The following CD1B variants were observed in gnomAD, a reference collection of about 807,000 sequenced individuals.
CD1B encodes T-cell surface glycoprotein CD1b.
Under a neutral mutation model 39.8 loss-of-function variants are expected in CD1B, and 43 were observed. The observed-to-expected ratio is 1.08, with a 90% CI of 0.85 to 1.39. CD1B has a LOEUF of 1.39. Ranked by LOEUF, CD1B falls within the 40% of genes most tolerant of loss-of-function variation. The pLI is 0.00. For missense variants in CD1B, 495 were observed against 403.8 expected, an observed-to-expected ratio of 1.23 and a Z score of -1.94; for synonymous variants, 192 against 152.5, an observed-to-expected ratio of 1.26 and a Z score of -1.91.
chr1:158,296,870 T>C, the CD1B span, among the ~76,000 whole-genome samples: 4 of 152,164 alleles, frequency 2.6e-5, no homozygotes, highest in Non-Finnish European at 5.9e-5. Flanking sequence ...AGACCAGTTC[T>C]TCTAATTAAC....
chr1:158,305,841 A>C, the CD1B span, among the ~76,000 whole-genome samples: 3 of 152,226 alleles, frequency 2.0e-5, no homozygotes, highest in African/African-American at 7.2e-5. Flanking sequence ...AAGCTTCATA[A>C]GTGAAGGAGA....
chr1:158,291,099 T>G, the CD1B span: 1 of 1,570,706 alleles, frequency 6.4e-7, no homozygotes. Flanking sequence ...TTTTTTTTTT[T>G]TTCCTTACAC....
chr1:158,285,627 C>G, the CD1B span, among the ~76,000 whole-genome samples: 1 of 152,140 alleles, frequency 6.6e-6, no homozygotes, highest in Middle Eastern at 3.2e-3. Context: ...AAGCACAGGA[C>G]AAGTCAAATA....
Position 158,331,058 on chromosome 1 carries a change from G to T in CD1B, c.66C>A (p.Phe22Leu). ...LFPGGNSEHA[F>L]QGPTSFHVIQ... ...TAACATGAAAGGAGGTCGGCCCCTGGAAGGCTGTGAAGAGTGGAAAAGCAA... is the reference window on the plus strand; with the variant it reads ...TAACATGAAAGGAGGTCGGCCCCTGTAAGGCTGTGAAGAGTGGAAAAGCAA... Residue 22 changes from phenylalanine to leucine, a missense_variant, in exon 2 of 6, where the codon TTC (phenylalanine) becomes TTA (leucine). Coordinates refer to ENST00000368168, the MANE Select transcript of CD1B (RefSeq NM_001764.3). 4.4e-6 allele frequency: 7 copies of T among 1,601,800 alleles called. No homozygotes were observed. Among genetic ancestry groups the T allele is most frequent in the Non-Finnish European group, 6.0e-6 (7 of 1,175,422 alleles).
At chr1:158,292,779 A>C in the CD1B span, 1 of 1,614,204 alleles carries the variant, frequency 6.2e-7, no homozygotes, top group Non-Finnish European at 8.5e-7. Context: ...TGGTATCTTC[A>C]GGTGATCCTG....
the CD1B span, among the ~76,000 whole-genome samples, chr1:158,290,761 T>A: frequency 2.4e-4 from 37 of 152,338 alleles, no homozygotes; most frequent in South Asian, 7.5e-3. Context: ...AGGAAACAAC[T>A]GCAAATGACA....
At position 158,328,979 on chromosome 1, in the gene CD1B, T is replaced by C. The variant is rs148018913; in HGVS notation, c.922A>G (p.Ile308Val). Residue 308 changes from isoleucine to valine, a missense_variant, in exon 5 of 6, where the codon ATA becomes GTA. Coordinates refer to ENST00000368168, the MANE Select transcript of CD1B (RefSeq NM_001764.3). ...PTSIGSIVLA[I>V]IVPSLLLLLC... ...AAAAGGAGCAAGGAAGGCACTATTA[T>C]TGCCAAAACAATTGAGCCAATGGAG... 2.5e-6 allele frequency: 4 copies of C among 1,613,830 alleles called. No individual in the cohort carries two copies. Among genetic ancestry groups the C allele is most frequent in the East Asian group, 2.2e-5 (1 of 44,880 alleles).
At chr1:158,320,291 G>C in the CD1B span, among the ~76,000 whole-genome samples, 3 of 152,184 alleles carry the variant, frequency 2.0e-5, no homozygotes, top group Non-Finnish European at 4.4e-5. Flanking sequence ...CTCAGACTGC[G>C]GTGCTAGCAA....
the CD1B span, among the ~76,000 whole-genome samples, chr1:158,303,886 C>G: frequency 6.6e-6 from 1 of 152,092 alleles, no homozygotes; most frequent in South Asian, 2.1e-4. Context: ...TATCAAAGTA[C>G]CAATGACATT....
At chr1:158,320,146 CA>C in the CD1B span, among the ~76,000 whole-genome samples, 354 of 152,336 alleles carry the variant, frequency 2.3e-3, 3 homozygotes, top group African/African-American at 7.8e-3. Context: ...GTGGAGCCTA[CA>C]GAGGCAGGCA....
the CD1B span, among the ~76,000 whole-genome samples, chr1:158,300,761 T>TC: frequency 0.013 from 1,422 of 109,098 alleles, 15 homozygotes; most frequent in African/African-American, 0.075. Context: ...TCTCTCTCTC[T>TC]TTTTTTTTTT....
chr1:158,324,848 G>A (rs1652292355), downstream of CD1B, among the ~76,000 whole-genome samples: 2 of 152,102 alleles, frequency 1.3e-5, no homozygotes, highest in Admixed American at 1.3e-4. Context: ...TGATGACAGA[G>A]GTGTATTGAT....
At chr1:158,311,703 TC>T in the CD1B span, among the ~76,000 whole-genome samples, 2 of 152,288 alleles carry the variant, frequency 1.3e-5, no homozygotes, top group East Asian at 1.9e-4. Context: ...CTAGTTTTGT[TC>T]TTCTGCATAT....
chr1:158,286,857 C>T, the CD1B span, among the ~76,000 whole-genome samples: 15 of 152,006 alleles, frequency 9.9e-5, no homozygotes, highest in African/African-American at 2.7e-4. Flanking sequence ...TTTCCTCACC[C>T]CTTAATCTTT....
chr1:158,300,011 A>G, the CD1B span, among the ~76,000 whole-genome samples: 1 of 151,742 alleles, frequency 6.6e-6, no homozygotes, highest in Non-Finnish European at 1.5e-5. Context: ...GATCTTAGTT[A>G]TTTCTTGTCT....
chr1:158,291,141 G>A, the CD1B span: 2,289 of 1,611,650 alleles, frequency 1.4e-3, 36 homozygotes, highest in African/African-American at 0.028. Context: ...AAGCATCCCA[G>A]GAACACGTCT....
the CD1B span, among the ~76,000 whole-genome samples, chr1:158,290,473 G>A: frequency 1.4e-4 from 21 of 152,152 alleles, no homozygotes; most frequent in Middle Eastern, 3.4e-3. Flanking sequence ...TCAATGCCAC[G>A]CACCACTTTG....
chr1:158,326,425 A>C (rs1441336244), downstream of CD1B, among the ~76,000 whole-genome samples: 1 of 152,342 alleles, frequency 6.6e-6, no homozygotes, highest in African/African-American at 2.4e-5. Flanking sequence ...AAAATGAGAG[A>C]AGAATCCTAC....
the CD1B span, among the ~76,000 whole-genome samples, chr1:158,303,230 TC>T: frequency 5.3e-5 from 8 of 152,090 alleles, no homozygotes; most frequent in African/African-American, 1.9e-4. Flanking sequence ...AAATTCCACA[TC>T]TCTTCAGGTT....
Sources: gnomAD v4.1 joint callset for allele counts (sites outside exome capture counted in the v4.1 genomes callset) on GRCh38, gnomAD v4.1.1 for gene constraint, MANE v1.5 for transcripts, NCBI Gene and HGNC (gene_info 2026-07-23, HGNC 2026-07-21) for gene names.